Variants in EMC1 observed in about 807,000 individuals in gnomAD.
The protein encoded by EMC1 is KIAA0090.
EMC1 carries 103 observed loss-of-function variants against 128.8 expected under a neutral mutation model. That is an observed-to-expected ratio of 0.80 (90% CI 0.68 to 0.94). The LOEUF (loss-of-function observed/expected upper bound fraction) is 0.94. Ranked by LOEUF, EMC1 falls within the 40% of genes least tolerant of loss-of-function variation. EMC1 has a pLI of 0.00. For synonymous variants in EMC1, 442 were observed against 490.4 expected, an observed-to-expected ratio of 0.90 and a Z score of 1.30; for missense variants, 1,083 against 1,250.6, an observed-to-expected ratio of 0.87 and a Z score of 2.02.
chr1:19,243,553 C>T, intron 4 of EMC1, 61 bp downstream of exon 4: 10 of 1,455,504 alleles, frequency 6.9e-6, no homozygotes, highest in Non-Finnish European at 9.7e-6. Context: ...GCTGTCTATG[C>T]AGATCTGTGT....
At position 19,240,307 on chromosome 1, in the gene EMC1, ATC is replaced by A; in HGVS notation, c.774_775del (p.Gln258HisfsTer56). 4 of 1,614,152 alleles carry A rather than the reference ATC, an allele frequency of 2.5e-6. No individual in the cohort carries two copies. The highest frequency in any genetic ancestry group is 2.5e-6 in the Non-Finnish European group (3 of 1,180,020). On this transcript the variant is annotated frameshift_variant, in exon 7 of 23. Coordinates refer to ENST00000477853, the MANE Select transcript of EMC1 (RefSeq NM_015047.3). LOFTEE classifies it high-confidence loss of function. ...GTGGCAGCCTCTCACCTGCAGTGGG[ATC>A]TGTCTCAACTCCCATTCCGTCTCCA... is the stretch of plus-strand genomic sequence containing the variant.
At chr1:19,243,903 G>T in intron 3 of EMC1, 47 bp downstream of exon 3, 1 of 1,599,570 alleles carries the variant, frequency 6.3e-7, no homozygotes, top group Non-Finnish European at 8.6e-7. Context: ...CAAGGAATGG[G>T]ACAGGGAGCT....
rs12091223 is a variant in EMC1 at position 19,240,026 on chromosome 1, C to T, written c.787-41G>A. On this transcript the variant is annotated intron_variant, in intron 7 of 22. Transcript: ENST00000477853. ...GAGGAGGATTATGGCTAACAGCTGA[C>T]GACTCCCTGACCCATCCCAGGCTCA... 201 of 1,575,902 alleles carry T rather than the reference C, an allele frequency of 1.3e-4. No individual in the cohort carries two copies. In the African/African-American group the frequency reaches 2.3e-3, roughly 18 times the overall value.
intron 18 of EMC1, among the ~76,000 whole-genome samples, chr1:19,224,354 CT>C (rs1252582999): frequency 6.6e-6 from 1 of 152,162 alleles, no homozygotes; most frequent in Non-Finnish European, 1.5e-5. Context: ...ATCTCAGTAT[CT>C]TTTCTCAGAT....
intron 18 of EMC1, among the ~76,000 whole-genome samples, chr1:19,225,178 T>G (rs1213731730): frequency 6.6e-6 from 1 of 152,216 alleles, no homozygotes; most frequent in Non-Finnish European, 1.5e-5. Flanking sequence ...CCATTTTATA[T>G]CCCAGTGTCT....
chr1:19,230,432 C>T (rs765217312), intron 17 of EMC1, among the ~76,000 whole-genome samples: 14 of 152,066 alleles, frequency 9.2e-5, no homozygotes, highest in African/African-American at 1.9e-4. Context: ...TAGCCGGGCG[C>T]GGTGGCGCAC....
At chr1:19,239,707 T>C in intron 8 of EMC1, 111 bp downstream of exon 8, 1 of 1,123,226 alleles carries the variant, frequency 8.9e-7, no homozygotes, top group Non-Finnish European at 1.3e-6. Flanking sequence ...GAAGGTGTCA[T>C]CAATCTTGGG....
At chr1:19,236,192 C>G (rs2093562215) in intron 12 of EMC1, among the ~76,000 whole-genome samples, 1 of 150,950 alleles carries the variant, frequency 6.6e-6, no homozygotes. Flanking sequence ...CCTGGGCCAA[C>G]ATGGTGAAAC....
chr1:19,238,707 C>A, intron 10 of EMC1, 88 bp downstream of exon 10: 1 of 850,624 alleles, frequency 1.2e-6, no homozygotes, highest in Non-Finnish European at 2.0e-6. Flanking sequence ...ACTCTAGGAC[C>A]TGCTCCTAAC....
chr1:19,229,077 G>A (rs950596480), intron 17 of EMC1, among the ~76,000 whole-genome samples: 21 of 152,078 alleles, frequency 1.4e-4, no homozygotes, highest in African/African-American at 4.6e-4. Context: ...AGCCACACAC[G>A]TGTGTCCACA....
intron 15 of EMC1, 67 bp downstream of exon 15, chr1:19,232,557 A>C: frequency 1.3e-6 from 2 of 1,570,494 alleles, no homozygotes; most frequent in Non-Finnish European, 1.8e-6. Flanking sequence ...GCCTAGGAGC[A>C]ATTTAAGTTA....
chr1:19,233,484 G>A (rs189214427), intron 13 of EMC1, among the ~76,000 whole-genome samples: 1 of 152,352 alleles, frequency 6.6e-6, no homozygotes, highest in Non-Finnish European at 1.5e-5. Context: ...GTTTCTGGGT[G>A]CCATGACAAA....
intron 4 of EMC1, among the ~76,000 whole-genome samples, chr1:19,243,111 T>G (rs2093615753): frequency 6.6e-6 from 1 of 152,082 alleles, no homozygotes. Context: ...TTCACATGCC[T>G]ATAATCCCAG....
In EMC1 at chr1:19,238,868, G is replaced by A. The variant is rs1553253740; in HGVS notation, c.1027-11C>T. The A allele has an allele frequency of 3.2e-6, 5 of 1,583,928 alleles. No homozygotes were observed. Among genetic ancestry groups the A allele is most frequent in the Non-Finnish European group, 4.3e-6 (5 of 1,154,006 alleles). On this transcript the variant is annotated splice_polypyrimidine_tract_variant and intron_variant, in intron 9 of 22. Coordinates refer to ENST00000477853, the MANE Select transcript of EMC1 (RefSeq NM_015047.3). ...ACTGCTACTTTTCTGCTATGAGAAAGAGAAGGACAGGAGAAAATTCAGCCA... is the reference window on the plus strand; with the variant it reads ...ACTGCTACTTTTCTGCTATGAGAAAAAGAAGGACAGGAGAAAATTCAGCCA...
Position 19,219,210 on chromosome 1 carries a change from C to T in EMC1, c.*93G>A. 1.6e-6 allele frequency: 2 copies of T among 1,282,054 alleles called. No individual in the cohort carries two copies. Among genetic ancestry groups the T allele is most frequent in the South Asian group, 1.3e-5 (1 of 78,898 alleles). The allele number at this position is 1,282,054 out of a possible 1,614,324, so 79.4% of individuals were successfully genotyped here. A position where few individuals can be genotyped will look rare whatever the true frequency, so the allele number is the denominator to read the frequency against. On this transcript the variant is annotated 3_prime_UTR_variant, in exon 23 of 23. Transcript: ENST00000477853. The stretch of plus-strand genomic sequence containing the variant: ...GTTCTTAGCTGAGCACTGACACACA[C>T]ACATACTCCACCAATCCACCAAACT...
At chr1:19,232,850 C>T in intron 14 of EMC1, 77 bp from the exon 15 acceptor site, 2 of 1,601,324 alleles carry the variant, frequency 1.2e-6, no homozygotes, top group Admixed American at 1.7e-5. Flanking sequence ...AAAACTAGAA[C>T]CAGTGTTATC....
rs2093536608 is a variant in EMC1, at chr1:19,233,107, G to C, written c.1461C>G (p.Arg487=). The part of the protein sequence containing the change: ...ADGLLGMFLK[R]LSSQLILLQA... ...GCAGCAGGATAAGCTGAGACGAGAGGCGTTTCAGGAACATCCCCAGCAAGC... is the reference window on the plus strand; with the variant it reads ...GCAGCAGGATAAGCTGAGACGAGAGCCGTTTCAGGAACATCCCCAGCAAGC... Residue 487 remains arginine (R), a synonymous_variant, in exon 14 of 23, where the codon CGC becomes CGG. Transcript: ENST00000477853. The C allele has an allele frequency of 2.5e-6, 4 of 1,614,142 alleles. No individual in the cohort carries two copies. The highest frequency in any genetic ancestry group is 2.5e-6 in the Non-Finnish European group (3 of 1,180,026).
intron 17 of EMC1, 54 bp from the exon 18 acceptor site, chr1:19,227,504 C>A: frequency 6.2e-7 from 1 of 1,605,700 alleles, no homozygotes; most frequent in Non-Finnish European, 8.5e-7. Context: ...AGAACTGAAA[C>A]AGCTGGAGTT....
rs2093412884 is a variant in EMC1, at chr1:19,219,255, T to G, written c.*48A>C. The G allele has an allele frequency of 1.9e-6, 3 of 1,597,516 alleles. No individual in the cohort carries two copies. The East Asian group carries it at 6.7e-5, about 36-fold the overall frequency. ...CAAACTGCAGCTGTAGCTGCTTATCTGACCCACACTCCCCTGGCTCTCCAC... is the reference window on the plus strand; with the variant it reads ...CAAACTGCAGCTGTAGCTGCTTATCGGACCCACACTCCCCTGGCTCTCCAC... On this transcript the variant is annotated 3_prime_UTR_variant, in exon 23 of 23. Transcript: ENST00000477853.
Sources: gnomAD v4.1 joint callset for allele counts (sites outside exome capture counted in the v4.1 genomes callset) on GRCh38, gnomAD v4.1.1 for gene constraint, MANE v1.5 for transcripts, NCBI Gene and HGNC (gene_info 2026-07-23, HGNC 2026-07-21) for gene names.